The following EPB41L3 variants were observed in gnomAD, a reference collection of about 807,000 sequenced individuals.
The protein encoded by EPB41L3 is band 4.1-like protein 3.
In EPB41L3, 57 loss-of-function variants were observed where a neutral mutation model predicts 127.1. The ratio of observed to expected loss-of-function variants is 0.45; its 90% CI spans 0.36 to 0.56. The LOEUF is 0.56. Among genes scored for constraint, EPB41L3 ranks in the 20% least tolerant of loss-of-function variants. The pLI is 0.00. For synonymous variants in EPB41L3, 572 were observed against 549.5 expected (o/e 1.04, Z -0.57); for missense variants, 1,273 against 1,372.2 (o/e 0.93, Z 1.14).
intron 2 of EPB41L3, among the ~76,000 whole-genome samples, chr18:5,479,910 C>T (rs2088068502): frequency 6.6e-6 from 1 of 152,102 alleles, no homozygotes; most frequent in South Asian, 2.1e-4. Context: ...AGGTAATTGA[C>T]AGAGAAGTTT....
chr18:5,508,488 C>T (rs1182280116), intron 1 of EPB41L3, among the ~76,000 whole-genome samples: 1 of 152,048 alleles, frequency 6.6e-6, no homozygotes, highest in Non-Finnish European at 1.5e-5. Context: ...TAGTAAGAGG[C>T]TGGACACGGT....
chr18:5,489,824 C>T (rs1360714439), intron 1 of EPB41L3, among the ~76,000 whole-genome samples: 1 of 152,204 alleles, frequency 6.6e-6, no homozygotes, highest in African/African-American at 2.4e-5. Flanking sequence ...CTCCTTCCCT[C>T]CCAAGTTAAT....
chr18:5,405,699 G>A (rs2075260159), intron 16 of EPB41L3, among the ~76,000 whole-genome samples: 1 of 151,956 alleles, frequency 6.6e-6, no homozygotes, highest in Non-Finnish European at 1.5e-5. Flanking sequence ...GGCTGAGGCA[G>A]GAGGATCACT....
chr18:5,593,059 T>C (rs564041550), intron 3 of EPB41L3, among the ~76,000 whole-genome samples: 44 of 152,208 alleles, frequency 2.9e-4, no homozygotes, highest in African/African-American at 1.0e-3. Context: ...CAGGGCCCAA[T>C]CTGCAGAGAT....
chr18:5,441,700 G>C (rs192178361), intron 5 of EPB41L3, among the ~76,000 whole-genome samples: 1 of 152,088 alleles, frequency 6.6e-6, no homozygotes, highest in East Asian at 1.9e-4. Flanking sequence ...TCCTGACCTC[G>C]TGATCCGCCC....
intron 11 of EPB41L3, among the ~76,000 whole-genome samples, chr18:5,421,854 A>G (rs893545671): frequency 6.6e-5 from 10 of 152,108 alleles, no homozygotes; most frequent in African/African-American, 2.4e-4. Context: ...CGGATAAAAA[A>G]CTACATATTG....
intron 3 of EPB41L3, chr18:5,577,462 A>G: frequency 1.6e-5 from 6 of 372,976 alleles, no homozygotes; most frequent in South Asian, 1.2e-4. Context: ...TCTCTGTGAA[A>G]CACAGAAAGA....
intron 3 of EPB41L3, chr18:5,463,738 CATGAGGATGCAG>C (rs1260115903): frequency 2.0e-5 from 3 of 152,208 alleles, no homozygotes; most frequent in African/African-American, 7.2e-5. Context: ...CCAGTGTCTC[CATGAGGATGCAG>C]TCAGTGAACA....
chr18:5,530,564 G>A (rs534430113), intron 1 of EPB41L3, among the ~76,000 whole-genome samples: 3 of 151,866 alleles, frequency 2.0e-5, no homozygotes, highest in Admixed American at 6.6e-5. Flanking sequence ...CACTGCCCTC[G>A]GAGCCCATCT....
In EPB41L3 at chr18:5,397,513, C is replaced by T. The variant is rs777891245; in HGVS notation, c.2473-87G>A. 5.1e-5 allele frequency: 75 copies of T among 1,459,086 alleles called. No individual in the cohort carries two copies. The highest frequency in any genetic ancestry group is 6.6e-5 in the Non-Finnish European group (72 of 1,093,664). The allele number at this position is 1,459,086 out of a possible 1,614,324, so 90.4% of individuals were successfully genotyped here. ...CTAAAGCTGCCACTCGCCAGGATGT[C>T]TAAAGCCAGCAGCAAGTGCTTATAA... is the stretch of plus-strand genomic sequence containing the variant. On this transcript the variant is annotated intron_variant, in intron 17 of 22. Coordinates refer to ENST00000341928, the MANE Select transcript of EPB41L3 (RefSeq NM_012307.5). The surrounding 1 kb of genome is among the most constrained non-coding windows in gnomAD (Gnocchi z 4.1).
At chr18:5,401,773 T>A (rs113816582) in intron 16 of EPB41L3, among the ~76,000 whole-genome samples, 5,060 of 152,214 alleles carry the variant, frequency 0.033, 284 homozygotes, top group African/African-American at 0.11. Flanking sequence ...CTTTTTAACT[T>A]CTTTTTATTT....
intron 1 of EPB41L3, among the ~76,000 whole-genome samples, chr18:5,509,394 T>C (rs1440012146): frequency 6.6e-6 from 1 of 152,190 alleles, no homozygotes; most frequent in East Asian, 1.9e-4. Context: ...TGCCTATGGG[T>C]AGCAAGGTCC....
chr18:5,490,878 T>TA (rs2090511443), intron 1 of EPB41L3, among the ~76,000 whole-genome samples: 1 of 152,144 alleles, frequency 6.6e-6, no homozygotes, highest in Non-Finnish European at 1.5e-5. Context: ...ACCAAACACT[T>TA]ACTGAGTACC....
chr18:5,609,215 T>A (rs984588287), intron 3 of EPB41L3, among the ~76,000 whole-genome samples: 1 of 152,174 alleles, frequency 6.6e-6, no homozygotes, highest in Admixed American at 6.6e-5. Flanking sequence ...TATGGAGGTA[T>A]GCCTCAACTT....
intron 3 of EPB41L3, among the ~76,000 whole-genome samples, chr18:5,454,699 TA>T (rs2082772147): frequency 6.6e-6 from 1 of 152,238 alleles, no homozygotes; most frequent in South Asian, 2.1e-4. Flanking sequence ...AGTCAATCAA[TA>T]ATTGTTCTAT....
chr18:5,401,678 G>C (rs1387683620), intron 16 of EPB41L3, among the ~76,000 whole-genome samples: 1 of 152,030 alleles, frequency 6.6e-6, no homozygotes, highest in Non-Finnish European at 1.5e-5. Context: ...AAAATATCTT[G>C]CTGGAAAATT....
In EPB41L3 at chr18:5,395,715, A is replaced by G; in HGVS notation, c.2974-8T>C. The G allele has an allele frequency of 1.2e-6, 2 of 1,613,060 alleles. No individual in the cohort carries two copies. The highest frequency in any genetic ancestry group is 1.7e-6 in the Non-Finnish European group (2 of 1,179,056). ...ATCTGTGCCTGGATCGACCTAAAGC[A>G]GCAGAGGCATAGACCCCTCATCCAG... On this transcript the variant is annotated splice_polypyrimidine_tract_variant and splice_region_variant and intron_variant, in intron 19 of 22. Transcript: ENST00000341928.
intron 16 of EPB41L3, chr18:5,400,613 A>G (rs1168566245): frequency 4.3e-6 from 2 of 464,680 alleles, no homozygotes; most frequent in Non-Finnish European, 8.6e-6. Flanking sequence ...GGAAACCAAT[A>G]AGAATTCAGA....
intron 3 of EPB41L3, among the ~76,000 whole-genome samples, chr18:5,563,409 G>C (rs904006747): frequency 6.6e-6 from 1 of 152,160 alleles, no homozygotes; most frequent in Non-Finnish European, 1.5e-5. Context: ...CCAAGTAGGA[G>C]AGTCTTGCCA....
Sources: allele counts gnomAD v4.1 joint callset (sites outside exome capture counted in the v4.1 genomes callset), GRCh38; gene constraint gnomAD v4.1.1; non-coding constraint Gnocchi (gnomAD v3.1); transcripts MANE v1.5; gene names NCBI Gene and HGNC (gene_info 2026-07-23, HGNC 2026-07-21).